POLR2F: variants seen among roughly 807,000 people sequenced by gnomAD.
POLR2F encodes DNA-directed RNA polymerases I, II, and III subunit RPABC2.
In POLR2F, 12 loss-of-function variants were observed where a neutral mutation model predicts 22.7. The ratio of observed to expected loss-of-function variants is 0.53; its 90% CI spans 0.34 to 0.86. The LOEUF (loss-of-function observed/expected upper bound fraction) is 0.86. Among genes scored for constraint, POLR2F ranks in the 40% least tolerant of loss-of-function variants. POLR2F has a pLI of 0.02. For synonymous variants in POLR2F, 57 were observed against 66.0 expected (o/e 0.86, Z 0.66); for missense variants, 126 against 171.5 (o/e 0.73, Z 1.48).
rs143057951 is a variant in POLR2F at position 37,977,964 on chromosome 22, G to A, written c.293+10794G>A. Reference sequence around the variant, plus strand: ...TCTTGTAGTGGGCCTGGATGGCGGCGGTCCCACCTTGCTCGGCCTCCCCAC... The same window carrying A: ...TCTTGTAGTGGGCCTGGATGGCGGCAGTCCCACCTTGCTCGGCCTCCCCAC... On this transcript the variant is annotated intron_variant, in intron 4 of 4. Transcript: ENST00000405557. 100 of 1,612,198 alleles carry A rather than the reference G, an allele frequency of 6.2e-5. 1 individual carries two copies. In the Admixed American group the frequency reaches 9.3e-4, roughly 15 times the overall value.
chr22:37,961,726 T>C (rs1434272947), intron 3 of POLR2F, among the ~76,000 whole-genome samples: 4 of 152,058 alleles, frequency 2.6e-5, no homozygotes, highest in African/African-American at 9.7e-5. Context: ...CTGCTTTTTT[T>C]CCCCCCAGGC....
chr22:38,020,477 C>T (rs1381164968), intron 1 of POLR2F, among the ~76,000 whole-genome samples: 2 of 149,662 alleles, frequency 1.3e-5, no homozygotes, highest in Non-Finnish European at 3.0e-5. Context: ...CGGCGTTTCA[C>T]CACATTGGCC....
At chr22:38,002,335 C>G (rs2145800215) in intron 1 of POLR2F, among the ~76,000 whole-genome samples, 2 of 152,280 alleles carry the variant, frequency 1.3e-5, no homozygotes, top group Non-Finnish European at 2.9e-5. Context: ...CTCTTTAAAA[C>G]TTGTTTATAG....
At position 37,968,539 on chromosome 22, in the gene POLR2F, C is replaced by G; in HGVS notation, c.*824C>G. 3.0e-6 allele frequency: 3 copies of G among 985,758 alleles called. No individual in the cohort carries two copies. Among genetic ancestry groups the G allele is most frequent in the Non-Finnish European group, 3.6e-6 (3 of 830,150 alleles). 61.1% of individuals were successfully genotyped at this position (985,758 alleles called of 1,614,324 possible). ...TTCCAGGTGTTACATTAAGTCAGAGCTGGAGTTCCCCCTTCCTCTGCCTGA... is the reference window on the plus strand; with the variant it reads ...TTCCAGGTGTTACATTAAGTCAGAGGTGGAGTTCCCCCTTCCTCTGCCTGA... On this transcript the variant is annotated 3_prime_UTR_variant, in exon 5 of 5. Coordinates refer to ENST00000442738, the MANE Select transcript of POLR2F (RefSeq NM_021974.5).
rs754392075 is a variant in POLR2F, at chr22:37,977,843, C to T, written c.293+10673C>T. On this transcript the variant is annotated intron_variant, in intron 4 of 4. Coordinates refer to the POLR2F transcript ENST00000405557. ...CTCCACTGACTGGCCTTGCCCCACC[C>T]TCAGCTCTGTCATCAGCACTCACCT... 6.3e-6 allele frequency: 10 copies of T among 1,597,606 alleles called. No individual in the cohort carries two copies. The highest frequency in any genetic ancestry group is 8.6e-6 in the Non-Finnish European group (10 of 1,169,456).
downstream of POLR2F, chr22:37,973,571 G>A: frequency 1.2e-6 from 2 of 1,612,888 alleles, no homozygotes; most frequent in African/African-American, 1.3e-5. Flanking sequence ...TGAGGGGCTG[G>A]GGTCAGAGAT....
At chr22:38,034,757 A>G (rs974068351) in intron 5 of POLR2F, among the ~76,000 whole-genome samples, 3 of 152,172 alleles carry the variant, frequency 2.0e-5, no homozygotes, top group Admixed American at 6.5e-5. Flanking sequence ...GCTCGGAACA[A>G]TGAGTCAGAA....
intron 1 of POLR2F, among the ~76,000 whole-genome samples, chr22:37,995,004 C>T (rs1398941861): frequency 6.6e-6 from 1 of 152,216 alleles, no homozygotes; most frequent in African/African-American, 2.4e-5. Flanking sequence ...GAGTTTAGGG[C>T]TTAGAACCCA....
intron 1 of POLR2F, among the ~76,000 whole-genome samples, chr22:37,954,428 G>C (rs987398489): frequency 5.9e-5 from 9 of 152,072 alleles, no homozygotes; most frequent in African/African-American, 2.2e-4. Flanking sequence ...TCAGCCTCCC[G>C]ACTAGCTGGG....
chr22:37,973,942 A>G (rs753494535), downstream of POLR2F: 12 of 1,610,592 alleles, frequency 7.5e-6, no homozygotes, highest in African/African-American at 6.7e-5. Context: ...TGCCCAGCCC[A>G]TAGCCGGCTG....
chr22:37,978,725 C>A lies in POLR2F; in HGVS notation c.293+11555C>A, dbSNP rs1422878930. ...AGAATAATGGATGTGAGATGCCTTG[C>A]ACCAGGGCCTGGGAAGCGGGCTGAG... On this transcript the variant is annotated intron_variant, in intron 4 of 4. Coordinates refer to the POLR2F transcript ENST00000405557. The surrounding 1 kb of genome is among the most constrained non-coding windows in gnomAD (Gnocchi z 5.0). Among the ~76,000 whole-genome samples the A allele has an allele frequency of 2.0e-5, 3 of 152,116 alleles. No homozygotes were observed. Among genetic ancestry groups the A allele is most frequent in the African/African-American group, 2.4e-5 (1 of 41,426 alleles).
intron 5 of POLR2F, among the ~76,000 whole-genome samples, chr22:38,038,568 T>C (rs1445122302): frequency 6.6e-6 from 1 of 152,172 alleles, no homozygotes; most frequent in Non-Finnish European, 1.5e-5. Context: ...CTTGAGCCCC[T>C]TGCGCCCGCG....
intron 1 of POLR2F, among the ~76,000 whole-genome samples, chr22:38,009,397 G>A (rs1280583685): frequency 3.3e-5 from 5 of 152,212 alleles, no homozygotes; most frequent in Admixed American, 6.5e-5. Context: ...AGGCAATGGC[G>A]GGGGCCAGGG....
chr22:38,006,986 G>A (rs954116929), intron 1 of POLR2F, among the ~76,000 whole-genome samples: 14 of 152,152 alleles, frequency 9.2e-5, no homozygotes, highest in African/African-American at 2.2e-4. Flanking sequence ...AGCCACAGGC[G>A]CACACATCTG....
Position 38,010,522 on chromosome 22 carries a change from C to A in POLR2F, c.121-15347C>A, listed in dbSNP as rs2084861887. On this transcript the variant is annotated intron_variant, in intron 1 of 2. Coordinates refer to the POLR2F transcript ENST00000333418. ...TCCAGTTCCTTCACCCTGAACAACA[C>A]CTAGTCTGATCAGTTTTTAAAATTT... is the stretch of plus-strand genomic sequence containing the variant. Among the ~76,000 whole-genome samples the A allele has an allele frequency of 4.6e-5, 7 of 151,768 alleles. No individual in the cohort carries two copies. In the South Asian group the frequency reaches 1.5e-3, roughly 32 times the overall value.
chr22:37,959,275 G>T, intron 2 of POLR2F, 71 bp from the exon 3 acceptor site: 1 of 1,512,884 alleles, frequency 6.6e-7, no homozygotes, highest in Non-Finnish European at 9.1e-7. Flanking sequence ...TGTGATTGTT[G>T]TCATTATCAC....
intron 1 of POLR2F, among the ~76,000 whole-genome samples, chr22:37,996,014 G>A (rs2084710358): frequency 1.3e-5 from 2 of 152,044 alleles, no homozygotes; most frequent in African/African-American, 4.8e-5. Flanking sequence ...AAAATAAAGA[G>A]CGAGGAGGAG....
rs566096549 is a variant in POLR2F, at chr22:38,008,056, A to G, written c.121-17813A>G. Among the ~76,000 whole-genome samples, 24 of 152,160 alleles carry G rather than the reference A, an allele frequency of 1.6e-4. No individual in the cohort carries two copies. In the South Asian group the frequency reaches 3.3e-3, roughly 21 times the overall value. ...GGAGTTTGAGACCAGCCTGGCCAAC[A>G]TGGTGAAATCCCGTCTCTACTAAAA... On this transcript the variant is annotated intron_variant, in intron 1 of 2. Coordinates refer to the POLR2F transcript ENST00000333418.
chr22:38,014,517 ATT>A (rs777065352), intron 1 of POLR2F, among the ~76,000 whole-genome samples: 6 of 138,824 alleles, frequency 4.3e-5, no homozygotes, highest in African/African-American at 5.3e-5. Flanking sequence ...CGCCCGGCTA[ATT>A]TTTTTTTTTT....
Sources: allele counts gnomAD v4.1 joint callset (sites outside exome capture counted in the v4.1 genomes callset), GRCh38; gene constraint gnomAD v4.1.1; non-coding constraint Gnocchi (gnomAD v3.1); transcripts MANE v1.5; gene names NCBI Gene and HGNC (gene_info 2026-07-23, HGNC 2026-07-21).